The following KCNMA1 variants were observed in gnomAD, a reference collection of about 807,000 sequenced individuals.
The protein encoded by KCNMA1 is potassium calcium-activated channel subfamily M alpha 1, also known as Calcium-activated potassium channel subunit alpha-1.
A neutral mutation model predicts 140.0 loss-of-function variants in KCNMA1; 29 were observed. The observed-to-expected ratio is 0.21, with a 90% CI of 0.15 to 0.28. The LOEUF (loss-of-function observed/expected upper bound fraction) is 0.28, where lower values mean the gene tolerates loss of function less well. KCNMA1 is among the 10% of genes least tolerant of loss of function. The probability of loss-of-function intolerance (pLI) is 1.00; values close to 1 mark genes in which losing one functional copy is unlikely to be tolerated. For synonymous variants in KCNMA1, 612 were observed against 611.9 expected (o/e 1.00, Z 0.00); for missense variants, 880 against 1,602.2 (o/e 0.55, Z 7.70).
chr10:77,304,346 G>A (rs2077184563), intron 2 of KCNMA1: 1 of 152,196 alleles, frequency 6.6e-6, no homozygotes, highest in Non-Finnish European at 1.5e-5. Context: ...GAGTTCCAGG[G>A]ATGATCCCAC....
At chr10:77,196,291 CTG>C (rs2040452409) in intron 3 of KCNMA1, among the ~76,000 whole-genome samples, 1 of 152,100 alleles carries the variant, frequency 6.6e-6, no homozygotes, top group Non-Finnish European at 1.5e-5. Context: ...TGAGGAATCA[CTG>C]TGTTTTTCTG....
At chr10:76,948,062 T>C (rs1426784116) in intron 22 of KCNMA1, among the ~76,000 whole-genome samples, 1 of 152,164 alleles carries the variant, frequency 6.6e-6, no homozygotes, top group African/African-American at 2.4e-5. Context: ...TGGAGTGCAG[T>C]GGTGCTTTCA....
chr10:77,556,191 A>C (rs2064300196), intron 1 of KCNMA1, among the ~76,000 whole-genome samples: 1 of 152,172 alleles, frequency 6.6e-6, no homozygotes, highest in African/African-American at 2.4e-5. Context: ...TATAGTTCTC[A>C]AAGTAATTGC....
intron 19 of KCNMA1, among the ~76,000 whole-genome samples, chr10:76,989,649 G>A (rs1416577347): frequency 6.6e-6 from 1 of 152,002 alleles, no homozygotes; most frequent in East Asian, 1.9e-4. Flanking sequence ...TTTCTGTTGG[G>A]ACAATTATTC....
intron 1 of KCNMA1, among the ~76,000 whole-genome samples, chr10:77,499,313 A>G (rs759843797): frequency 6.6e-6 from 1 of 152,074 alleles, no homozygotes; most frequent in Non-Finnish European, 1.5e-5. Flanking sequence ...CCAATTCAGA[A>G]TAAACCTAAC....
intron 2 of KCNMA1, among the ~76,000 whole-genome samples, chr10:77,307,596 G>C (rs1444025612): frequency 6.6e-6 from 1 of 152,150 alleles, no homozygotes; most frequent in Non-Finnish European, 1.5e-5. Context: ...ACCCAGGCTG[G>C]AGTGCAGTGG....
intron 1 of KCNMA1, among the ~76,000 whole-genome samples, chr10:77,566,426 T>C (rs2068342042): frequency 6.6e-6 from 1 of 152,162 alleles, no homozygotes; most frequent in African/African-American, 2.4e-5. Context: ...ATTTCTGGAG[T>C]GTCCTGATGC....
intron 22 of KCNMA1, among the ~76,000 whole-genome samples, chr10:76,948,272 C>A (rs1362197938): frequency 6.6e-6 from 1 of 152,154 alleles, no homozygotes; most frequent in Non-Finnish European, 1.5e-5. Context: ...TCCCAAAATG[C>A]AGGGATTACA....
chr10:76,944,490 T>C (rs954593854), intron 23 of KCNMA1, among the ~76,000 whole-genome samples: 5 of 152,196 alleles, frequency 3.3e-5, no homozygotes, highest in African/African-American at 1.2e-4. Context: ...ACACTGGTCA[T>C]GAAGCCACTC....
chr10:77,615,575 C>T (rs980598615), intron 1 of KCNMA1, among the ~76,000 whole-genome samples: 2 of 152,160 alleles, frequency 1.3e-5, no homozygotes, highest in Non-Finnish European at 1.5e-5. Context: ...ACTGAGGCCT[C>T]GCCCCTGAGT....
At chr10:76,895,699 T>A (rs2042180894) in intron 25 of KCNMA1, among the ~76,000 whole-genome samples, 1 of 152,152 alleles carries the variant, frequency 6.6e-6, no homozygotes, top group African/African-American at 2.4e-5. Context: ...CTCTGATAAT[T>A]CAATGTACAT....
chr10:77,403,806 G>A (rs989054305), intron 2 of KCNMA1, 56 bp downstream of exon 2: 1 of 1,553,570 alleles, frequency 6.4e-7, no homozygotes, highest in Non-Finnish European at 8.8e-7. Flanking sequence ...CATAAGCAAA[G>A]CCACCTTGGC....
At chr10:77,490,259 C>T (rs1024705177) in intron 1 of KCNMA1, among the ~76,000 whole-genome samples, 1 of 152,132 alleles carries the variant, frequency 6.6e-6, no homozygotes, top group East Asian at 1.9e-4. Flanking sequence ...ATATCCAACT[C>T]CCATAATGAA....
intron 9 of KCNMA1, among the ~76,000 whole-genome samples, chr10:77,107,893 C>T (rs899330955): frequency 1.3e-5 from 2 of 152,118 alleles, no homozygotes; most frequent in Non-Finnish European, 2.9e-5. Context: ...GACTTCTCTG[C>T]CAGAGTCTTA....
intron 1 of KCNMA1, among the ~76,000 whole-genome samples, chr10:77,560,929 T>C (rs1389129940): frequency 1.3e-5 from 2 of 152,198 alleles, no homozygotes; most frequent in African/African-American, 4.8e-5. Context: ...ATGCTTCTGC[T>C]CTTTAGGCAG....
intron 20 of KCNMA1, among the ~76,000 whole-genome samples, chr10:76,967,017 G>A (rs772688821): frequency 2.0e-5 from 3 of 152,166 alleles, no homozygotes; most frequent in Non-Finnish European, 2.9e-5. Context: ...ACAAAGGGAA[G>A]GAAAAGACCA....
chr10:77,289,358 C>T (rs984332098), intron 2 of KCNMA1, among the ~76,000 whole-genome samples: 4 of 152,176 alleles, frequency 2.6e-5, no homozygotes, highest in African/African-American at 9.7e-5. Context: ...CCTAACATTC[C>T]AATCATCAGC....
intron 1 of KCNMA1, among the ~76,000 whole-genome samples, chr10:77,582,484 A>T (rs572524730): frequency 6.6e-6 from 1 of 152,208 alleles, no homozygotes; most frequent in East Asian, 1.9e-4. Context: ...AACCTAGATG[A>T]CGGGTTGATG....
intron 1 of KCNMA1, among the ~76,000 whole-genome samples, chr10:77,520,691 G>T (rs567483022): frequency 2.3e-4 from 35 of 152,090 alleles, no homozygotes; most frequent in Admixed American, 2.0e-4. Flanking sequence ...GTCATCCCAC[G>T]CCATATAAAG....
Sources: gnomAD v4.1 joint callset for allele counts (sites outside exome capture counted in the v4.1 genomes callset) on GRCh38, gnomAD v4.1.1 for gene constraint, MANE v1.5 for transcripts, NCBI Gene and HGNC (gene_info 2026-07-23, HGNC 2026-07-21) for gene names.